RTN4RL1: variants seen among roughly 807,000 people sequenced by gnomAD.
RTN4RL1 encodes the protein reticulon 4 receptor like 1, also known as reticulon-4 receptor-like 1.
RTN4RL1 carries 7 observed loss-of-function variants against 25.6 expected under a neutral mutation model. That is an observed-to-expected ratio of 0.27 (90% confidence interval 0.16 to 0.51). The LOEUF (loss-of-function observed/expected upper bound fraction) is 0.51, where lower values mean the gene tolerates loss of function less well. Ranked by LOEUF, RTN4RL1 falls within the 20% of genes least tolerant of loss-of-function variation. The pLI, the probability that RTN4RL1 is intolerant of heterozygous loss-of-function variation, is 0.97. For missense variants in RTN4RL1, 500 were observed against 615.6 expected (o/e 0.81, Z 1.99); for synonymous variants, 297 against 288.2 (o/e 1.03, Z -0.31).
chr17:1,949,980 A>G (rs936711276), intron 1 of RTN4RL1, among the ~76,000 whole-genome samples: 3 of 152,248 alleles, frequency 2.0e-5, no homozygotes, highest in African/African-American at 7.2e-5. Context: ...TGGCTTGGAC[A>G]AGGGCAGAGG....
At position 2,013,559 on chromosome 17, in the gene RTN4RL1, T is replaced by A. The variant is rs115081130; in HGVS notation, c.13+11294A>T. 2.5e-3 allele frequency among the ~76,000 whole-genome samples: 366 copies of A among 148,328 alleles called. 3 individuals carry two copies. The highest frequency in any genetic ancestry group is 8.9e-3 in the African/African-American group (346 of 38,796). On this transcript the variant is annotated intron_variant, in intron 1 of 1. Coordinates refer to ENST00000331238, the MANE Select transcript of RTN4RL1 (RefSeq NM_178568.4). Reference sequence around the variant, plus strand: ...GTGGGTGCTGGAACATAAATACCCCTGCTCCCTCACCCTGGAACATAAATA... The same window carrying A: ...GTGGGTGCTGGAACATAAATACCCCAGCTCCCTCACCCTGGAACATAAATA...
chr17:1,988,524 A>G (rs866819392), intron 1 of RTN4RL1, among the ~76,000 whole-genome samples: 71 of 85,536 alleles, frequency 8.3e-4, no homozygotes, highest in African/African-American at 2.7e-3. Flanking sequence ...AAAAAAAAAG[A>G]AAAGAAAAGA....
At chr17:1,939,131 T>G (rs4290509) in intron 1 of RTN4RL1, among the ~76,000 whole-genome samples, 97,117 of 151,360 alleles carry the variant, frequency 0.64, 31,594 homozygotes, top group African/African-American at 0.7. Flanking sequence ...GGCGGGCGGA[T>G]CACGAGGTCA....
At position 1,994,616 on chromosome 17, in the gene RTN4RL1, G is replaced by A. The variant is rs1476319687; in HGVS notation, c.13+30237C>T. Among the ~76,000 whole-genome samples the A allele has an allele frequency of 6.6e-6, 1 of 152,206 alleles. No individual in the cohort carries two copies. The highest frequency in any genetic ancestry group is 1.5e-5 in the Non-Finnish European group (1 of 68,040). ...AAGGCAGAGGACAATGAGTCTGAGT[G>A]AAGATGCTGGAGTCAGCCAGGCCTG... On this transcript the variant is annotated intron_variant, in intron 1 of 1. Transcript: ENST00000331238. The surrounding 1 kb of genome is among the most constrained non-coding windows in gnomAD (Gnocchi z 4.3).
rs114732971 is a variant in RTN4RL1, at chr17:1,979,969, G to A, written c.14-42161C>T. Among the ~76,000 whole-genome samples, 727 of 152,270 alleles carry A rather than the reference G, an allele frequency of 4.8e-3. 8 individuals carry two copies. Among genetic ancestry groups the A allele is most frequent in the African/African-American group, 0.017 (704 of 41,520 alleles). On this transcript the variant is annotated intron_variant, in intron 1 of 1. Coordinates refer to ENST00000331238, the MANE Select transcript of RTN4RL1 (RefSeq NM_178568.4). ...TGAGAAGCCATGCTGAGCCCCAGGAGCTGAAGGCCCAGGCCCTTTCCCACA... is the reference window on the plus strand; with the variant it reads ...TGAGAAGCCATGCTGAGCCCCAGGAACTGAAGGCCCAGGCCCTTTCCCACA...
chr17:2,002,540 C>G (rs979036466), intron 1 of RTN4RL1, among the ~76,000 whole-genome samples: 2 of 151,772 alleles, frequency 1.3e-5, no homozygotes, highest in African/African-American at 2.4e-5. Context: ...GATCCGCCCA[C>G]CTCGGCCTCC....
rs1163170575 is a variant in RTN4RL1 at position 1,961,773 on chromosome 17, C to CAAAAAAAAAAA, written c.14-23976_14-23966dup. Among the ~76,000 whole-genome samples, 373 of 55,560 alleles carry CAAAAAAAAAAA rather than the reference C, an allele frequency of 6.7e-3. 30 individuals carry two copies. The highest frequency in any genetic ancestry group is 0.023 in the Middle Eastern group (1 of 44). The allele number at this position is 55,560 out of a possible 152,430, so 36.4% of individuals were successfully genotyped here. A position where few individuals can be genotyped will look rare whatever the true frequency, so the allele number is the denominator to read the frequency against. ...TGAAACCCTGTCTCCACTAAAAATA[C>CAAAAAAAAAAA]AAAAAAAAAAAAAAAAAAAAAAAAA... On this transcript the variant is annotated intron_variant, in intron 1 of 1. Coordinates refer to ENST00000331238, the MANE Select transcript of RTN4RL1 (RefSeq NM_178568.4).
chr17:1,951,241 G>A (rs1279427031), intron 1 of RTN4RL1, among the ~76,000 whole-genome samples: 2 of 151,780 alleles, frequency 1.3e-5, no homozygotes, highest in Admixed American at 6.6e-5. Context: ...CTCCAGCCTG[G>A]GCGACAGAGC....
Position 1,980,156 on chromosome 17 carries a change from C to T in RTN4RL1, c.14-42348G>A, listed in dbSNP as rs1419818515. Among the ~76,000 whole-genome samples, 345 of 151,636 alleles carry T rather than the reference C, an allele frequency of 2.3e-3. 2 individuals are homozygous for T. The highest frequency in any genetic ancestry group is 7.9e-3 in the African/African-American group (323 of 41,012). ...ACGGCTCACCAAAGCCTTGACCTCCCAGGCTCAGGTGATCCTCCCACCTCA... is the reference window on the plus strand; with the variant it reads ...ACGGCTCACCAAAGCCTTGACCTCCTAGGCTCAGGTGATCCTCCCACCTCA... On this transcript the variant is annotated intron_variant, in intron 1 of 1. Transcript: ENST00000331238.
At position 1,998,902 on chromosome 17, in the gene RTN4RL1, C is replaced by A. The variant is rs1323131205; in HGVS notation, c.13+25951G>T. Among the ~76,000 whole-genome samples, 1 of 151,876 alleles carries A rather than the reference C, an allele frequency of 6.6e-6. No homozygotes were observed. Among genetic ancestry groups the A allele is most frequent in the African/African-American group, 2.4e-5 (1 of 41,174 alleles). On this transcript the variant is annotated intron_variant, in intron 1 of 1. Coordinates refer to ENST00000331238, the MANE Select transcript of RTN4RL1 (RefSeq NM_178568.4). This position sits in a 1 kb window ranked among gnomAD's most constrained non-coding sequence, Gnocchi z 4.9. ...TTATTCTCTACGCGCTCATCCCACG[C>A]GCAGAACAGACACAGGCCCTGCCCT...
chr17:2,023,689 C>T (rs984860497), intron 1 of RTN4RL1: 19 of 148,406 alleles, frequency 1.3e-4, no homozygotes, highest in African/African-American at 2.5e-4. Flanking sequence ...AACCTCCCCC[C>T]CCTCCACCCC....
chr17:1,960,013 C>A (rs1435486409), intron 1 of RTN4RL1, among the ~76,000 whole-genome samples: 1 of 152,016 alleles, frequency 6.6e-6, no homozygotes, highest in African/African-American at 2.4e-5. Flanking sequence ...CTGTGTTCAC[C>A]GTGTAGGCTT....
intron 1 of RTN4RL1, chr17:2,020,060 C>T (rs1331833692): frequency 2.6e-5 from 4 of 152,150 alleles, no homozygotes; most frequent in South Asian, 2.1e-4. Flanking sequence ...CATAAGGACC[C>T]GGAGCTTTGA....
intron 1 of RTN4RL1, among the ~76,000 whole-genome samples, chr17:1,944,595 T>C (rs1385332654): frequency 6.6e-6 from 1 of 152,124 alleles, no homozygotes; most frequent in African/African-American, 2.4e-5. Context: ...TAGCTGGGAT[T>C]ACAGGTGCCC....
intron 1 of RTN4RL1, among the ~76,000 whole-genome samples, chr17:1,960,476 G>A (rs1261245436): frequency 2.0e-5 from 3 of 152,128 alleles, no homozygotes; most frequent in Non-Finnish European, 2.9e-5. Flanking sequence ...TCTTCACAGC[G>A]CTAGCTGCAC....
At chr17:1,997,707 A>C (rs28500475) in intron 1 of RTN4RL1, among the ~76,000 whole-genome samples, 81,460 of 152,002 alleles carry the variant, frequency 0.54, 22,196 homozygotes, top group African/African-American at 0.6. Flanking sequence ...CCTCTAGGGC[A>C]CCCCTAGCTG....
intron 1 of RTN4RL1, among the ~76,000 whole-genome samples, chr17:2,001,799 C>T (rs912126064): frequency 3.3e-5 from 5 of 152,196 alleles, no homozygotes; most frequent in African/African-American, 1.2e-4. Context: ...GGCTGCCTCC[C>T]CCAGGACTCG....
intron 1 of RTN4RL1, among the ~76,000 whole-genome samples, chr17:1,952,256 G>T (rs182973279): frequency 2.6e-5 from 4 of 151,962 alleles, no homozygotes; most frequent in African/African-American, 9.7e-5. Flanking sequence ...CAGAGACCAC[G>T]CTGCATGACG....
chr17:1,978,050 C>T (rs2066850832), intron 1 of RTN4RL1, among the ~76,000 whole-genome samples: 1 of 152,156 alleles, frequency 6.6e-6, no homozygotes, highest in Non-Finnish European at 1.5e-5. Flanking sequence ...GCATCCGGCA[C>T]CCCGCAGCTG....
Sources: allele counts gnomAD v4.1 joint callset (sites outside exome capture counted in the v4.1 genomes callset), GRCh38; gene constraint gnomAD v4.1.1; non-coding constraint Gnocchi (gnomAD v3.1); transcripts MANE v1.5; gene names NCBI Gene and HGNC (gene_info 2026-07-23, HGNC 2026-07-21).